Variants in CDH18 observed in about 807,000 individuals in gnomAD.
The protein encoded by CDH18 is cadherin-18.
In CDH18, 31 loss-of-function variants were observed where a neutral mutation model predicts 67.9. That is an observed-to-expected ratio of 0.46 (90% confidence interval 0.34 to 0.62). The LOEUF (loss-of-function observed/expected upper bound fraction) is 0.62. Among genes scored for constraint, CDH18 ranks in the 20% least tolerant of loss-of-function variants. The probability of loss-of-function intolerance (pLI) is 0.01; values close to 1 mark genes in which losing one functional copy is unlikely to be tolerated. For missense variants in CDH18, 890 were observed against 975.5 expected (o/e 0.91, Z 1.17); for synonymous variants, 362 against 347.2 (o/e 1.04, Z -0.48).
intron 2 of CDH18, among the ~76,000 whole-genome samples, chr5:20,080,485 T>C (rs745686342): frequency 8.5e-5 from 13 of 152,150 alleles, no homozygotes; most frequent in African/African-American, 2.2e-4. Context: ...AAGGAACAGC[T>C]TACAGATCAC....
intron 1 of CDH18, among the ~76,000 whole-genome samples, chr5:20,455,860 T>C (rs1416366265): frequency 6.6e-6 from 1 of 152,126 alleles, no homozygotes; most frequent in Non-Finnish European, 1.5e-5. Context: ...TTTCACTTCC[T>C]ACTTAAATTA....
intron 2 of CDH18, among the ~76,000 whole-genome samples, chr5:20,093,913 A>C (rs1430015364): frequency 1.3e-5 from 2 of 152,190 alleles, no homozygotes; most frequent in African/African-American, 2.4e-5. Flanking sequence ...AAAGAGACCA[A>C]TGTTTTGAAG....
At chr5:20,146,742 T>C (rs1204228347) in intron 2 of CDH18, among the ~76,000 whole-genome samples, 2 of 152,206 alleles carry the variant, frequency 1.3e-5, no homozygotes, top group East Asian at 3.9e-4. Flanking sequence ...TACATAAACT[T>C]GAGTTAAACA....
chr5:19,774,983 A>G (rs1391625061), intron 3 of CDH18, among the ~76,000 whole-genome samples: 1 of 152,014 alleles, frequency 6.6e-6, no homozygotes, highest in Admixed American at 6.6e-5. Context: ...CATGAGAAAT[A>G]ATTATTTCTG....
chr5:19,932,335 C>T lies in CDH18; in HGVS notation c.-257+48725G>A, dbSNP rs367828399. On this transcript the variant is annotated intron_variant, in intron 2 of 12. Coordinates refer to ENST00000382275, the MANE Select transcript of CDH18 (RefSeq NM_004934.5). ...GAGAATCTAAACTTATTAAAGTACG[C>T]GTGTTATTTAGCTCCTTTTTAAAAA... is the stretch of plus-strand genomic sequence containing the variant. 4.0e-4 allele frequency among the ~76,000 whole-genome samples: 60 copies of T among 151,748 alleles called. No individual in the cohort carries two copies. The South Asian group carries it at 8.9e-3, about 23-fold the overall frequency.
At chr5:19,843,530 ACT>A (rs141582034) in intron 2 of CDH18, among the ~76,000 whole-genome samples, 2,196 of 152,202 alleles carry the variant, frequency 0.014, 59 homozygotes, top group African/African-American at 0.05. Flanking sequence ...TCATGGAGAA[ACT>A]CTGTTAGAGC....
At chr5:20,521,211 C>A (rs190735761) in intron 1 of CDH18, among the ~76,000 whole-genome samples, 620 of 152,088 alleles carry the variant, frequency 4.1e-3, no homozygotes, top group Non-Finnish European at 6.7e-3. Flanking sequence ...GAGCATAGAG[C>A]AAATTCTGGA....
intron 3 of CDH18, among the ~76,000 whole-genome samples, chr5:19,814,668 A>G (rs1779103570): frequency 6.6e-6 from 1 of 151,990 alleles, no homozygotes; most frequent in South Asian, 2.1e-4. Flanking sequence ...AACTGATAGA[A>G]ACAATAATAG....
chr5:19,987,554 A>C (rs1579961336), intron 1 of CDH18, among the ~76,000 whole-genome samples: 1 of 152,124 alleles, frequency 6.6e-6, no homozygotes, highest in African/African-American at 2.4e-5. Context: ...AAAAGAATGA[A>C]AGAATATAAA....
chr5:20,150,662 C>T (rs79396301), intron 2 of CDH18, among the ~76,000 whole-genome samples: 2,568 of 151,890 alleles, frequency 0.017, 35 homozygotes, highest in Middle Eastern at 0.051. Context: ...TTATGTGGTT[C>T]TGTGTATATT....
At chr5:20,039,485 A>C (rs1374634666) in intron 2 of CDH18, among the ~76,000 whole-genome samples, 1 of 151,970 alleles carries the variant, frequency 6.6e-6, no homozygotes, top group Admixed American at 6.6e-5. Context: ...CATGGTACTG[A>C]TACTAAAACA....
Position 19,571,715 on chromosome 5 carries a change from T to A in CDH18, c.1117A>T (p.Ile373Phe), listed in dbSNP as rs1240783601. 6.2e-7 allele frequency: 1 copy of A among 1,613,920 alleles called. No individual in the cohort carries two copies. Among genetic ancestry groups the A allele is most frequent in the Non-Finnish European group, 8.5e-7 (1 of 1,179,930 alleles). The change falls in exon 8 of 13, where the codon ATT (isoleucine) becomes TTT (phenylalanine). Residue 373 changes from isoleucine to phenylalanine, a missense_variant. By Grantham distance (21) the Ile-to-Phe change is conservative. Around this residue, in one of 2 missense-constraint regions of CDH18, gnomAD observed 656 missense variants for 668.1 expected, o/e 0.98. Coordinates refer to ENST00000382275, the MANE Select transcript of CDH18 (RefSeq NM_004934.5). The stretch of plus-strand genomic sequence containing the variant: ...GGTGGTTCATCTACATCCCCAACAA[T>A]GATCTTCAGCATAGTAGCATCTTTA... ...PFKDATMLKI[I>F]VGDVDEPPLF... is the part of the protein sequence containing the mutation.
At chr5:20,534,371 C>G (rs1207962621) in intron 1 of CDH18, among the ~76,000 whole-genome samples, 2 of 151,714 alleles carry the variant, frequency 1.3e-5, no homozygotes, top group Non-Finnish European at 2.9e-5. Flanking sequence ...TGATATTGCA[C>G]AAAAAGAAGC....
chr5:19,594,401 T>A (rs1489669154), intron 6 of CDH18, among the ~76,000 whole-genome samples: 1 of 152,190 alleles, frequency 6.6e-6, no homozygotes. Flanking sequence ...TCCACCTGTC[T>A]CTGCCTTCCA....
Position 20,308,079 on chromosome 5 carries a change from C to CTTT in CDH18, c.-579-52577_-579-52575dup, listed in dbSNP as rs759117114. ...TTATTTGCCTCTTTGAATACTACTGCTTTTTTTTTTTTTTTTTTTTTTTTT... is the reference window on the plus strand; with the variant it reads ...TTATTTGCCTCTTTGAATACTACTGCTTTTTTTTTTTTTTTTTTTTTTTTTTTT... On this transcript the variant is annotated intron_variant, in intron 1 of 14. Transcript: ENST00000507958. Among the ~76,000 whole-genome samples the CTTT allele has an allele frequency of 9.5e-3, 811 of 85,234 alleles. 21 individuals carry two copies. The highest frequency in any genetic ancestry group is 0.039 in the African/African-American group (706 of 18,336). 55.9% of individuals were successfully genotyped at this position (85,234 alleles called of 152,430 possible). A position where few individuals can be genotyped will look rare whatever the true frequency, so the allele number is the denominator to read the frequency against.
chr5:19,756,553 G>T (rs1771631687), intron 3 of CDH18, among the ~76,000 whole-genome samples: 1 of 152,158 alleles, frequency 6.6e-6, no homozygotes, highest in African/African-American at 2.4e-5. Context: ...TGGATCTCCT[G>T]TATCCCATGC....
chr5:20,372,848 T>TC (rs1743116353), intron 1 of CDH18, among the ~76,000 whole-genome samples: 2 of 152,168 alleles, frequency 1.3e-5, no homozygotes, highest in South Asian at 4.1e-4. Flanking sequence ...TATTTTTTTT[T>TC]CCCTTGGATA....
intron 1 of CDH18, among the ~76,000 whole-genome samples, chr5:19,984,926 T>C (rs1397381251): frequency 2.0e-5 from 3 of 152,110 alleles, no homozygotes; most frequent in Non-Finnish European, 2.9e-5. Context: ...TCCAAGCATA[T>C]AGAATAACCA....
rs1281984302 is a variant in CDH18, at chr5:20,241,896, A to ATG, written c.-518+13547_-518+13548insCA. On this transcript the variant is annotated intron_variant, in intron 2 of 14. Transcript: ENST00000507958. ...TAAAATAAAATATATATATATGTAT[A>ATG]TATATATATATATTGCTTAGTCAGA... Among the ~76,000 whole-genome samples the ATG allele has an allele frequency of 3.2e-3, 236 of 74,830 alleles. 2 individuals are homozygous for ATG. The highest frequency in any genetic ancestry group is 0.01 in the African/African-American group (221 of 22,028). The allele number at this position is 74,830 out of a possible 152,430, so 49.1% of individuals were successfully genotyped here.
Sources: gnomAD v4.1 joint callset for allele counts (sites outside exome capture counted in the v4.1 genomes callset) on GRCh38, gnomAD v4.1.1 for gene constraint, gnomAD v4.1.1 regional missense constraint, MANE v1.5 for transcripts, NCBI Gene and HGNC (gene_info 2026-07-23, HGNC 2026-07-21) for gene names.